WDR7: variants seen among roughly 807,000 people sequenced by gnomAD.
WDR7 encodes WD repeat-containing protein 7.
In WDR7, 46 loss-of-function variants were observed where a neutral mutation model predicts 169.4. The ratio of observed to expected loss-of-function variants is 0.27; its 90% CI spans 0.21 to 0.35. The LOEUF (loss-of-function observed/expected upper bound fraction) is 0.35, where lower values mean the gene tolerates loss of function less well. WDR7 is among the 10% of genes least tolerant of loss of function. The pLI is 1.00. For synonymous variants in WDR7, 612 were observed against 666.8 expected (o/e 0.92, Z 1.27); for missense variants, 1,534 against 1,859.3 (o/e 0.83, Z 3.22).
chr18:56,941,810 G>A (rs1042584859), intron 25 of WDR7, among the ~76,000 whole-genome samples: 2 of 152,106 alleles, frequency 1.3e-5, no homozygotes, highest in Non-Finnish European at 2.9e-5. Context: ...CCAAAGATGT[G>A]CCCATTAGGT....
In WDR7 at chr18:56,780,258, T is replaced by G. The variant is rs369714262; in HGVS notation, c.3066+709T>G. On this transcript the variant is annotated intron_variant, in intron 18 of 27. Transcript: ENST00000254442. ...ATATTACCAAGCACTTGAAAATGTT[T>G]AATAAAGATTTTCCTTATTATGGCA... 4.0e-5 allele frequency among the ~76,000 whole-genome samples: 6 copies of G among 151,756 alleles called. No homozygotes were observed. In the East Asian group the frequency reaches 1.0e-3, roughly 25 times the overall value.
At chr18:56,996,627 T>C (rs185089514) in intron 26 of WDR7, among the ~76,000 whole-genome samples, 2 of 149,364 alleles carry the variant, frequency 1.3e-5, no homozygotes, top group Admixed American at 6.6e-5. Flanking sequence ...TGGTAAAAAT[T>C]TTGTTTTCCT....
chr18:56,723,594 A>G (rs548640218), intron 13 of WDR7, among the ~76,000 whole-genome samples: 21 of 152,202 alleles, frequency 1.4e-4, no homozygotes, highest in African/African-American at 5.1e-4. Flanking sequence ...TCCTCTGTAT[A>G]TAACATTTCT....
Position 56,907,225 on chromosome 18 carries a change from C to T in WDR7, c.3527-16697C>T, listed in dbSNP as rs143536619. 4.7e-4 allele frequency among the ~76,000 whole-genome samples: 71 copies of T among 152,238 alleles called. No homozygotes were observed. The East Asian group carries it at 0.013, about 27-fold the overall frequency. ...CCTTGAAAAATGCTTAAAATATGGACGGTGAAGTGTGAATCAATTCTTTCA... is the reference window on the plus strand; with the variant it reads ...CCTTGAAAAATGCTTAAAATATGGATGGTGAAGTGTGAATCAATTCTTTCA... On this transcript the variant is annotated intron_variant, in intron 21 of 27. Transcript: ENST00000254442.
At chr18:56,988,695 G>T (rs1346817515) in intron 26 of WDR7, among the ~76,000 whole-genome samples, 1 of 150,344 alleles carries the variant, frequency 6.7e-6, no homozygotes, top group Non-Finnish European at 1.5e-5. Context: ...AAAAAATTGG[G>T]CATTCTTATA....
At chr18:56,976,097 C>T (rs935927338) in intron 26 of WDR7, among the ~76,000 whole-genome samples, 1 of 152,136 alleles carries the variant, frequency 6.6e-6, no homozygotes, top group African/African-American at 2.4e-5. Context: ...AGAAGGTTTG[C>T]TCCTGGAGGC....
At chr18:56,924,460 C>T (rs1389904634) in intron 22 of WDR7, among the ~76,000 whole-genome samples, 1 of 152,112 alleles carries the variant, frequency 6.6e-6, no homozygotes, top group Non-Finnish European at 1.5e-5. Flanking sequence ...TTATGGCCAG[C>T]ATACGTGGCC....
chr18:56,718,393 CAT>C (rs1229157608), intron 13 of WDR7, among the ~76,000 whole-genome samples: 2 of 152,222 alleles, frequency 1.3e-5, no homozygotes, highest in East Asian at 1.9e-4. Context: ...TGAGGACAGA[CAT>C]ATGGACAACA....
intron 20 of WDR7, among the ~76,000 whole-genome samples, chr18:56,817,631 A>G (rs577896954): frequency 2.6e-5 from 4 of 152,286 alleles, no homozygotes; most frequent in East Asian, 1.9e-4. Context: ...GAAAAATATT[A>G]TCCAACCTAA....
At chr18:56,772,946 C>T (rs1249448202) in intron 16 of WDR7, among the ~76,000 whole-genome samples, 1 of 152,034 alleles carries the variant, frequency 6.6e-6, no homozygotes, top group East Asian at 1.9e-4. Context: ...AAAATGGTTT[C>T]CTATCAGAAG....
rs1265298485 is a variant in WDR7, at chr18:56,910,311, A to G, written c.3527-13611A>G. ...TCTGTCATATATGTTAGTAGCTTCTATAGATATGAATATATGATATTAGAA... is the reference window on the plus strand; with the variant it reads ...TCTGTCATATATGTTAGTAGCTTCTGTAGATATGAATATATGATATTAGAA... On this transcript the variant is annotated intron_variant, in intron 21 of 27. Coordinates refer to ENST00000254442, the MANE Select transcript of WDR7 (RefSeq NM_015285.3). 2.0e-5 allele frequency among the ~76,000 whole-genome samples: 3 copies of G among 152,316 alleles called. No individual in the cohort carries two copies. In the East Asian group the frequency reaches 5.8e-4, roughly 29 times the overall value.
At chr18:56,701,457 A>G (rs1319237537) in intron 12 of WDR7, among the ~76,000 whole-genome samples, 1 of 152,232 alleles carries the variant, frequency 6.6e-6, no homozygotes, top group East Asian at 1.9e-4. Context: ...TGACAGATAT[A>G]AAGTCCTATA....
Position 56,758,067 on chromosome 18 carries a change from A to C in WDR7, c.2759+715A>C, listed in dbSNP as rs370453655. 3.3e-5 allele frequency among the ~76,000 whole-genome samples: 5 copies of C among 152,318 alleles called. No individual in the cohort carries two copies. The East Asian group carries it at 5.8e-4, about 18-fold the overall frequency. ...GATTTGGCTTCAGAATTTTGTGAGA[A>C]GTATAGTCAGAATTTTTCAATAGAG... On this transcript the variant is annotated intron_variant, in intron 15 of 27. Transcript: ENST00000254442.
At chr18:56,745,550 C>A (rs976890476) in intron 14 of WDR7, among the ~76,000 whole-genome samples, 1 of 152,048 alleles carries the variant, frequency 6.6e-6, no homozygotes, top group African/African-American at 2.4e-5. Context: ...GTTTTCACTC[C>A]TATGAGAAGC....
intron 20 of WDR7, among the ~76,000 whole-genome samples, chr18:56,864,746 G>A (rs1213584077): frequency 6.6e-6 from 1 of 151,838 alleles, no homozygotes; most frequent in Non-Finnish European, 1.5e-5. Flanking sequence ...TTGAAATTGA[G>A]ATATGAATAG....
At chr18:56,795,094 T>C (rs995060457) in intron 19 of WDR7, among the ~76,000 whole-genome samples, 3 of 152,222 alleles carry the variant, frequency 2.0e-5, no homozygotes, top group African/African-American at 7.2e-5. Flanking sequence ...ATTTTTAAAG[T>C]ATTTAAATAT....
chr18:56,823,110 C>G (rs895666095), intron 20 of WDR7, among the ~76,000 whole-genome samples: 1 of 152,110 alleles, frequency 6.6e-6, no homozygotes, highest in African/African-American at 2.4e-5. Context: ...GATACACTTT[C>G]TTTTCTCGTA....
chr18:56,722,456 A>G (rs2026342927), intron 13 of WDR7, among the ~76,000 whole-genome samples: 1 of 152,136 alleles, frequency 6.6e-6, no homozygotes, highest in South Asian at 2.1e-4. Context: ...GTATTTCACT[A>G]TATATTGCCA....
In WDR7 at chr18:56,787,204, A is replaced by G. The variant is rs562596950; in HGVS notation, c.3190+5548A>G. On this transcript the variant is annotated intron_variant, in intron 19 of 27. Transcript: ENST00000254442. ...TTGCCCTTCATTTCAGTTGGTGATG[A>G]CTCTGAGGCAAATGCTGATGGTTCC... 4.6e-5 allele frequency among the ~76,000 whole-genome samples: 7 copies of G among 152,050 alleles called. No homozygotes were observed. The East Asian group carries it at 1.4e-3, about 30-fold the overall frequency.
Sources: gnomAD v4.1 joint callset for allele counts (sites outside exome capture counted in the v4.1 genomes callset) on GRCh38, gnomAD v4.1.1 for gene constraint, MANE v1.5 for transcripts, NCBI Gene and HGNC (gene_info 2026-07-23, HGNC 2026-07-21) for gene names.